Variants in HSPG2 observed in about 807,000 individuals in gnomAD.
HSPG2 encodes basement membrane-specific heparan sulfate proteoglycan core protein.
In HSPG2, 278 loss-of-function variants were observed where a neutral mutation model predicts 526.6. The ratio of observed to expected loss-of-function variants is 0.53; its 90% CI spans 0.48 to 0.58. The LOEUF (loss-of-function observed/expected upper bound fraction) is 0.58, where lower values mean the gene tolerates loss of function less well. Ranked by LOEUF, HSPG2 falls within the 20% of genes least tolerant of loss-of-function variation. The pLI, the probability that HSPG2 is intolerant of heterozygous loss-of-function variation, is 0.00. For missense variants in HSPG2, 5,354 were observed against 6,099.5 expected (o/e 0.88, Z 4.07); for synonymous variants, 2,465 against 2,555.4 (o/e 0.96, Z 1.07).
intron 64 of HSPG2, among the ~76,000 whole-genome samples, chr1:21,845,616 G>C (rs1467387925): frequency 6.6e-6 from 1 of 152,106 alleles, no homozygotes; most frequent in African/African-American, 2.4e-5. Context: ...ATGAGCTCAG[G>C]CAATCTGCCC....
At chr1:21,927,849 G>T (rs1455662037) in intron 1 of HSPG2, among the ~76,000 whole-genome samples, 1 of 152,230 alleles carries the variant, frequency 6.6e-6, no homozygotes, top group East Asian at 1.9e-4. Flanking sequence ...GAGGCCCAGG[G>T]AATGGACAAT....
chr1:21,931,688 T>C (rs1202442554), intron 1 of HSPG2, among the ~76,000 whole-genome samples: 1 of 152,188 alleles, frequency 6.6e-6, no homozygotes, highest in Non-Finnish European at 1.5e-5. Flanking sequence ...CCCACACCTC[T>C]GGCCTCCAAG....
At chr1:21,899,402 A>G (rs1572405139) in intron 1 of HSPG2, among the ~76,000 whole-genome samples, 1 of 152,110 alleles carries the variant, frequency 6.6e-6, no homozygotes, top group East Asian at 1.9e-4. Flanking sequence ...ATAACAGCTA[A>G]CATTTATTGA....
At chr1:21,882,587 C>A (rs138905770) in intron 13 of HSPG2, among the ~76,000 whole-genome samples, 1 of 152,238 alleles carries the variant, frequency 6.6e-6, no homozygotes, top group Non-Finnish European at 1.5e-5. Flanking sequence ...AAAGTAATTG[C>A]TGGTTTGGTT....
rs1450747997 is a variant in HSPG2 at position 21,841,363 on chromosome 1, G to GT, written c.9329-79dup. On this transcript the variant is annotated intron_variant, in intron 70 of 96. Transcript: ENST00000374695. The stretch of plus-strand genomic sequence containing the variant: ...CCACACTGCCATGGCCTCCAGCTTA[G>GT]TAACTGCTGGGTGGGCACCTGTCTC... 3.3e-5 allele frequency: 52 copies of GT among 1,584,736 alleles called. 1 individual carries two copies. In the Admixed American group the frequency reaches 8.0e-4, roughly 24 times the overall value.
At chr1:21,863,590 T>C (rs918614006) in intron 37 of HSPG2, among the ~76,000 whole-genome samples, 1 of 148,150 alleles carries the variant, frequency 6.7e-6, no homozygotes, top group South Asian at 2.1e-4. Flanking sequence ...ATAAAAAATA[T>C]ATGTAATGAG....
At position 21,874,600 on chromosome 1, in the gene HSPG2, G is replaced by A; in HGVS notation, c.3528+16C>T. 1 of 1,613,930 alleles carries A rather than the reference G, an allele frequency of 6.2e-7. No individual in the cohort carries two copies. The highest frequency in any genetic ancestry group is 1.3e-5 in the African/African-American group (1 of 75,052). On this transcript the variant is annotated intron_variant, in intron 27 of 96. Transcript: ENST00000374695. ...CCACAGATTGCTGGGGTGGGCGGAA[G>A]GAGGGCGGGACTTACCTGGCAGGCA...
chr1:21,910,988 C>T (rs925486143), intron 1 of HSPG2, among the ~76,000 whole-genome samples: 1 of 152,152 alleles, frequency 6.6e-6, no homozygotes, highest in Non-Finnish European at 1.5e-5. Flanking sequence ...GCCCTGAAGC[C>T]CCTGGCATCC....
In HSPG2 at chr1:21,834,765, A is replaced by T. The variant is rs746434611; in HGVS notation, c.10634T>A (p.Val3545Glu). The T allele has an allele frequency of 6.2e-7, 1 of 1,614,154 alleles. No individual in the cohort carries two copies. The highest frequency in any genetic ancestry group is 8.5e-7 in the Non-Finnish European group (1 of 1,180,026). The change falls in exon 77 of 97, where the codon GTA becomes GAA. Residue 3545 changes from valine to glutamate, a missense_variant. Physicochemically the swap from Val to Glu is moderately radical, Grantham distance 121. Coordinates refer to ENST00000374695, the MANE Select transcript of HSPG2 (RefSeq NM_005529.7). ...QSGGVVRIAH[V>E]ELADAGQYRC... ...ATACTGTCCCGCATCAGCCAGCTCT[A>T]CGTGGGCGATCCTGACGACACCTCC...
At chr1:21,922,784 G>A (rs931326883) in intron 1 of HSPG2, among the ~76,000 whole-genome samples, 1 of 152,166 alleles carries the variant, frequency 6.6e-6, no homozygotes, top group Non-Finnish European at 1.5e-5. Context: ...GAAACCAGAG[G>A]TGGGGCCCAG....
intron 2 of HSPG2, 36 bp from the exon 3 acceptor site, chr1:21,896,002 A>G: frequency 6.2e-7 from 1 of 1,611,710 alleles, no homozygotes; most frequent in Non-Finnish European, 8.5e-7. Flanking sequence ...AGCAACAACA[A>G]GTATTTGTTG....
In HSPG2 at chr1:21,857,074, A is replaced by G. The variant is rs751036475; in HGVS notation, c.5516T>C (p.Val1839Ala). The G allele has an allele frequency of 1.4e-5, 23 of 1,614,006 alleles. No homozygotes were observed. The highest frequency in any genetic ancestry group is 1.0e-4 in the Admixed American group (6 of 60,000). Residue 1839 changes from valine to alanine, a missense_variant, in exon 44 of 97, where the codon GTG becomes GCG. Coordinates refer to ENST00000374695, the MANE Select transcript of HSPG2 (RefSeq NM_005529.7). Reference sequence around the variant, plus strand: ...GGCAAACATGTTGGAGCCGGTGCACACGTAGGTGCCTGCATCACTCAGCTG... The same window carrying G: ...GGCAAACATGTTGGAGCCGGTGCACGCGTAGGTGCCTGCATCACTCAGCTG... ...NVQLSDAGTY[V>A]CTGSNMFAMD...
rs763895125 is a variant in HSPG2, at chr1:21,848,027, C to T, written c.7804G>A (p.Val2602Ile). 16 of 1,613,464 alleles carry T rather than the reference C, an allele frequency of 9.9e-6. No individual in the cohort carries two copies. In the Admixed American group the frequency reaches 1.3e-4, roughly 13 times the overall value. ...TCCCGGGAGCCTGCACCGTTACTGACGTGACACACGTACTCGCCCGAGTCT... is the reference window on the plus strand; with the variant it reads ...TCCCGGGAGCCTGCACCGTTACTGATGTGACACACGTACTCGCCCGAGTCT... ...PADSGEYVCH[V>I]SNGAGSRETS... The change falls in exon 60 of 97, where the codon GTC (valine) becomes ATC (isoleucine). Residue 2602 changes from valine (V) to isoleucine (I), a missense_variant. Val to Ile is a conservative substitution (Grantham distance 29, BLOSUM62 3). Coordinates refer to ENST00000374695, the MANE Select transcript of HSPG2 (RefSeq NM_005529.7). This position sits in a 1 kb window ranked among gnomAD's most constrained non-coding sequence, Gnocchi z 4.9.
intron 1 of HSPG2, among the ~76,000 whole-genome samples, chr1:21,933,591 C>G (rs1199776184): frequency 6.6e-6 from 1 of 152,218 alleles, no homozygotes; most frequent in Non-Finnish European, 1.5e-5. Flanking sequence ...GCTTCAGACC[C>G]ACAGATCCTA....
At chr1:21,851,494 C>A in intron 55 of HSPG2, 52 bp downstream of exon 55, 1 of 1,611,798 alleles carries the variant, frequency 6.2e-7, no homozygotes, top group Non-Finnish European at 8.5e-7. Flanking sequence ...TAACCTCCGC[C>A]ACCCAGGGAC....
chr1:21,839,717 T>C lies in HSPG2; in HGVS notation c.9709+105A>G. 3 of 1,423,190 alleles carry C rather than the reference T, an allele frequency of 2.1e-6. 1 individual carries two copies. The South Asian group carries it at 3.6e-5, about 17-fold the overall frequency. The allele number at this position is 1,423,190 out of a possible 1,614,324, so 88.2% of individuals were successfully genotyped here. ...TGCTAGCAACACGGTCTCCCCGTAC[T>C]CCCCACCCCTGGGCATGACATCATC... On this transcript the variant is annotated intron_variant, in intron 72 of 96. Transcript: ENST00000374695. The surrounding 1 kb of genome is among the most constrained non-coding windows in gnomAD (Gnocchi z 4.5).
At position 21,843,307 on chromosome 1, in the gene HSPG2, T is replaced by A; in HGVS notation, c.8748A>T (p.Gly2916=). 1 of 1,613,968 alleles carries A rather than the reference T, an allele frequency of 6.2e-7. No individual in the cohort carries two copies. Among genetic ancestry groups the A allele is most frequent in the East Asian group, 2.2e-5 (1 of 44,864 alleles). ...CTCCCTATCACTCACCAGGAATGGG[T>A]CCTGGGCTGGAGGGCTCAATTGTGA... is the stretch of plus-strand genomic sequence containing the variant. ...VLVTIEPSSP[G]PIPAPGLAQP... is the part of the protein sequence containing the mutation. The change falls in exon 66 of 97, where the codon GGA becomes GGT. Residue 2916 remains glycine (G), a synonymous_variant. Transcript: ENST00000374695.
At position 21,864,981 on chromosome 1, in the gene HSPG2, C is replaced by T. The variant is rs372318754; in HGVS notation, c.4488G>A (p.Thr1496=). 1,726 of 1,589,874 alleles carry T rather than the reference C, an allele frequency of 1.1e-3. No individual in the cohort carries two copies. The highest frequency in any genetic ancestry group is 1.3e-3 in the Non-Finnish European group (1,562 of 1,170,268). Reference sequence around the variant, plus strand: ...TGGCCGCCAGCGGCACGGAGGAGAACGTGGCCCGGATCAGGAGCTCATCCA... The same window carrying T: ...TGGCCGCCAGCGGCACGGAGGAGAATGTGGCCCGGATCAGGAGCTCATCCA... The part of the protein sequence containing the change: ...ADLDELLIRA[T]FSSVPLAASI... The change falls in exon 36 of 97, where the codon ACG becomes ACA. Residue 1496 remains threonine, a synonymous_variant. Transcript: ENST00000374695. The surrounding 1 kb of genome is among the most constrained non-coding windows in gnomAD (Gnocchi z 4.8).
At chr1:21,867,624 C>G (rs1036179782) in intron 33 of HSPG2, among the ~76,000 whole-genome samples, 1 of 152,130 alleles carries the variant, frequency 6.6e-6, no homozygotes, top group Non-Finnish European at 1.5e-5. Flanking sequence ...GCTTGATAAC[C>G]CTGCAGTACT....
Sources: gnomAD v4.1 joint callset for allele counts (sites outside exome capture counted in the v4.1 genomes callset) on GRCh38, gnomAD v4.1.1 for gene constraint, Gnocchi (gnomAD v3.1) non-coding constraint, MANE v1.5 for transcripts, NCBI Gene and HGNC (gene_info 2026-07-23, HGNC 2026-07-21) for gene names.